Variants in DNAAF9 observed in about 807,000 individuals in gnomAD.
DNAAF9 encodes the protein dynein axonemal assembly factor 9.
Under a neutral mutation model 167.0 loss-of-function variants are expected in DNAAF9, and 90 were observed. That is an observed-to-expected ratio of 0.54 (90% CI 0.45 to 0.64). The LOEUF is 0.64. Among genes scored for constraint, DNAAF9 ranks in the 30% least tolerant of loss-of-function variants. The probability of loss-of-function intolerance (pLI) is 0.00; values close to 1 mark genes in which losing one functional copy is unlikely to be tolerated. For missense variants in DNAAF9, 1,315 were observed against 1,442.2 expected, an observed-to-expected ratio of 0.91 and a Z score of 1.43; for synonymous variants, 491 against 508.8, an observed-to-expected ratio of 0.96 and a Z score of 0.47.
chr20:3,352,121 TACAGAAA>T (rs2070337067), intron 7 of DNAAF9, among the ~76,000 whole-genome samples: 1 of 152,220 alleles, frequency 6.6e-6, no homozygotes, highest in Non-Finnish European at 1.5e-5. Context: ...ATTTGTTCAT[TACAGAAA>T]ACAGAATAAG....
intron 3 of DNAAF9, among the ~76,000 whole-genome samples, chr20:3,376,546 G>A (rs889685738): frequency 1.3e-5 from 2 of 152,176 alleles, no homozygotes; most frequent in African/African-American, 4.8e-5. Context: ...CCCTCAGGAG[G>A]TCCTGAGAAC....
chr20:3,388,161 T>C (rs2083777960), intron 1 of DNAAF9, among the ~76,000 whole-genome samples: 1 of 151,944 alleles, frequency 6.6e-6, no homozygotes, highest in South Asian at 2.1e-4. Flanking sequence ...TCAACACCTC[T>C]AATCATTAGA....
chr20:3,264,070 GGACT>G (rs1288439679), intron 31 of DNAAF9, among the ~76,000 whole-genome samples: 1 of 152,228 alleles, frequency 6.6e-6, no homozygotes, highest in African/African-American at 2.4e-5. Context: ...GAACCCTAGA[GGACT>G]GACTGACGGT....
At chr20:3,278,545 C>T (rs1227709849) in intron 29 of DNAAF9, among the ~76,000 whole-genome samples, 1 of 152,002 alleles carries the variant, frequency 6.6e-6, no homozygotes, top group Non-Finnish European at 1.5e-5. Flanking sequence ...ATGGTGAAAC[C>T]CCATCTCTAC....
chr20:3,372,284 CACTGG>C (rs2083520840), intron 6 of DNAAF9, among the ~76,000 whole-genome samples: 1 of 152,206 alleles, frequency 6.6e-6, no homozygotes, highest in Admixed American at 6.5e-5. Flanking sequence ...CACCTCAAAG[CACTGG>C]GAAGGGCAGG....
chr20:3,358,467 A>G (rs1170301515), intron 7 of DNAAF9, among the ~76,000 whole-genome samples: 1 of 151,998 alleles, frequency 6.6e-6, no homozygotes, highest in Non-Finnish European at 1.5e-5. Context: ...TATTTTTAGT[A>G]GAAATGGGGT....
chr20:3,256,395 C>G (rs1401402206), intron 33 of DNAAF9, among the ~76,000 whole-genome samples, 184 bp from the exon 34 acceptor site: 1 of 152,120 alleles, frequency 6.6e-6, no homozygotes, highest in African/African-American at 2.4e-5. Flanking sequence ...GCTTGTGGTC[C>G]CAGCTACTCA....
chr20:3,303,437 A>AG (rs2069229306), intron 21 of DNAAF9, among the ~76,000 whole-genome samples: 1 of 152,142 alleles, frequency 6.6e-6, no homozygotes, highest in Non-Finnish European at 1.5e-5. Flanking sequence ...TAGTAGAGGT[A>AG]AGAGTCTATT....
chr20:3,351,533 T>G (rs1477457266), intron 7 of DNAAF9, among the ~76,000 whole-genome samples: 2 of 151,528 alleles, frequency 1.3e-5, no homozygotes, highest in African/African-American at 4.8e-5. Flanking sequence ...ACAAATGATC[T>G]GGTTTCTTCA....
intron 35 of DNAAF9, 79 bp from the exon 36 acceptor site, chr20:3,253,898 T>C (rs1476155707): frequency 2.4e-6 from 2 of 848,828 alleles, no homozygotes; most frequent in Non-Finnish European, 4.0e-6. Flanking sequence ...AACAAGTCTA[T>C]TTCCCTAGCA....
chr20:3,296,384 G>A (rs865886316), intron 23 of DNAAF9: 25 of 272,088 alleles, frequency 9.2e-5, no homozygotes, highest in Admixed American at 4.3e-4. Flanking sequence ...GACATTTTTC[G>A]TTTTTTTTTT....
intron 18 of DNAAF9, 123 bp downstream of exon 18, chr20:3,316,600 C>G: frequency 1.6e-6 from 1 of 607,412 alleles, no homozygotes; most frequent in East Asian, 2.8e-5. Context: ...AATTCCATTC[C>G]TGAACAACAG....
chr20:3,333,686 G>GTT lies in DNAAF9; in HGVS notation c.982-1327_982-1326dup, dbSNP rs34940756. Among the ~76,000 whole-genome samples, 216 of 150,228 alleles carry GTT rather than the reference G, an allele frequency of 1.4e-3. 1 individual carries two copies. Among genetic ancestry groups the GTT allele is most frequent in the Middle Eastern group, 6.8e-3 (2 of 294 alleles). On this transcript the variant is annotated intron_variant, in intron 10 of 36. Coordinates refer to ENST00000252032, the MANE Select transcript of DNAAF9 (RefSeq NM_001009984.3). ...GATCTCCAATTTTCCCTTATTAAAG[G>GTT]TTTTTTTTTTAAAGGTGCCAAGTGT...
intron 30 of DNAAF9, among the ~76,000 whole-genome samples, chr20:3,265,576 G>GA (rs1228259726): frequency 0.03 from 1,030 of 33,804 alleles, 37 homozygotes; most frequent in African/African-American, 0.076. Context: ...CTCTGTCTCA[G>GA]AAAAAAAAAA....
intron 17 of DNAAF9, among the ~76,000 whole-genome samples, chr20:3,317,578 A>AAT (rs1462947910): frequency 1.3e-5 from 2 of 152,106 alleles, no homozygotes; most frequent in African/African-American, 4.8e-5. Context: ...CAGGTAAAAA[A>AAT]ATAATATCTA....
At chr20:3,375,734 G>C (rs2083566736) in intron 4 of DNAAF9, among the ~76,000 whole-genome samples, 2 of 151,970 alleles carry the variant, frequency 1.3e-5, no homozygotes, top group South Asian at 2.1e-4. Flanking sequence ...TGTTGTCCCA[G>C]CTACTCGGGA....
At chr20:3,395,464 A>G (rs1353030628) in intron 1 of DNAAF9, among the ~76,000 whole-genome samples, 3 of 151,680 alleles carry the variant, frequency 2.0e-5, no homozygotes, top group Non-Finnish European at 4.4e-5. Context: ...TATTTTTAGT[A>G]AAGACAGGGT....
Position 3,250,733 on chromosome 20 carries a change from T to C in DNAAF9, c.*1839A>G, listed in dbSNP as rs888151331. On this transcript the variant is annotated 3_prime_UTR_variant, in exon 37 of 37. Coordinates refer to ENST00000252032, the MANE Select transcript of DNAAF9 (RefSeq NM_001009984.3). ...CTGCCAGGCCAGTGCAGTCAGGAAA[T>C]GGCTCAAGCTCCTAAAGCTAGAGCT... The C allele has an allele frequency of 6.6e-6, 1 of 152,198 alleles. No individual in the cohort carries two copies. The highest frequency in any genetic ancestry group is 2.4e-5 in the African/African-American group (1 of 41,446). 9.4% of individuals were successfully genotyped at this position (152,198 alleles called of 1,614,324 possible).
intron 6 of DNAAF9, among the ~76,000 whole-genome samples, chr20:3,370,327 C>A (rs1267229004): frequency 6.6e-6 from 1 of 152,096 alleles, no homozygotes; most frequent in African/African-American, 2.4e-5. Flanking sequence ...CAGCCCACTG[C>A]AGCCTGGAGC....
Sources: allele counts gnomAD v4.1 joint callset (sites outside exome capture counted in the v4.1 genomes callset), GRCh38; gene constraint gnomAD v4.1.1; transcripts MANE v1.5; gene names NCBI Gene and HGNC (gene_info 2026-07-23, HGNC 2026-07-21).